EGFR: variants seen among roughly 807,000 people sequenced by gnomAD.
EGFR encodes the protein avian erythroblastic leukemia viral (v-erb-b) oncogene homolog.
In EGFR, 58 loss-of-function variants were observed where a neutral mutation model predicts 143.0. The observed-to-expected ratio is 0.41, with a 90% CI of 0.33 to 0.50. The LOEUF (loss-of-function observed/expected upper bound fraction) is 0.50, where lower values mean the gene tolerates loss of function less well. EGFR is among the 20% of genes least tolerant of loss of function. The pLI is 0.39. For missense variants in EGFR, 1,307 were observed against 1,579.0 expected (o/e 0.83, Z 2.92); for synonymous variants, 613 against 594.4 (o/e 1.03, Z -0.45).
intron 1 of EGFR, among the ~76,000 whole-genome samples, chr7:55,046,000 C>T (rs1788156561): frequency 6.6e-6 from 1 of 152,114 alleles, no homozygotes; most frequent in Non-Finnish European, 1.5e-5. Context: ...ATATTTGGGA[C>T]ATATTGAGTT....
chr7:55,192,386 C>T (rs17337346), intron 21 of EGFR, among the ~76,000 whole-genome samples: 281 of 152,284 alleles, frequency 1.8e-3, no homozygotes, highest in Non-Finnish European at 2.9e-3. Context: ...GTCAGGCCCT[C>T]GAATGCCCTC....
At chr7:55,053,678 G>C (rs1788618675) in intron 1 of EGFR, among the ~76,000 whole-genome samples, 1 of 152,226 alleles carries the variant, frequency 6.6e-6, no homozygotes. Flanking sequence ...CAAAGTGAAG[G>C]CTGGTGAATC....
intron 1 of EGFR, among the ~76,000 whole-genome samples, chr7:55,108,704 AAAATTCG>A (rs1355054754): frequency 1.3e-5 from 2 of 152,214 alleles, no homozygotes; most frequent in Non-Finnish European, 2.9e-5. Flanking sequence ...ACTCCAAACC[AAAATTCG>A]ATTTAATCTG....
At chr7:55,089,533 A>G (rs1317967810) in intron 1 of EGFR, among the ~76,000 whole-genome samples, 1 of 152,210 alleles carries the variant, frequency 6.6e-6, no homozygotes, top group Non-Finnish European at 1.5e-5. Flanking sequence ...CATCCAAGAA[A>G]TCCCATCCTT....
At chr7:55,143,240 T>A (rs982277564) in intron 2 of EGFR, 65 bp from the exon 3 acceptor site, 1 of 1,596,634 alleles carries the variant, frequency 6.3e-7, no homozygotes, top group African/African-American at 1.3e-5. Flanking sequence ...CCTGGACCCA[T>A]TTTAGACCTT....
At chr7:55,204,574 CCA>C (rs200879386) in intron 27 of EGFR, among the ~76,000 whole-genome samples, 1,591 of 136,762 alleles carry the variant, frequency 0.012, 30 homozygotes, top group African/African-American at 0.036. Context: ...CACATACACA[CCA>C]CACACACACC....
chr7:55,127,310 T>C (rs1793585822), intron 1 of EGFR, among the ~76,000 whole-genome samples: 1 of 152,164 alleles, frequency 6.6e-6, no homozygotes, highest in Admixed American at 6.5e-5. Flanking sequence ...AAACCAAACA[T>C]CACGGCCTTC....
chr7:55,060,250 T>A (rs1031195242), intron 1 of EGFR, among the ~76,000 whole-genome samples: 6 of 152,240 alleles, frequency 3.9e-5, no homozygotes, highest in African/African-American at 1.2e-4. Flanking sequence ...TATATTCTAG[T>A]TTGTTCAGCT....
In EGFR at chr7:55,151,363, GT is replaced by G; in HGVS notation, c.628+2del. The G allele has an allele frequency of 6.2e-7, 1 of 1,614,158 alleles. No individual in the cohort carries two copies. The highest frequency in any genetic ancestry group is 8.5e-7 in the Non-Finnish European group (1 of 1,180,004). On this transcript the variant is annotated splice_donor_variant, in intron 5 of 27. Transcript: ENST00000275493. LOFTEE classifies it high-confidence loss of function. ...GCAGGAGAGGAGAACTGCCAGAAAC[GT>G]AAGTCAGTGAACAGCCTCAGACCCA...
chr7:55,155,405 G>A (rs768842838), intron 7 of EGFR, among the ~76,000 whole-genome samples: 9 of 152,224 alleles, frequency 5.9e-5, no homozygotes, highest in Non-Finnish European at 1.0e-4. Flanking sequence ...TCACACCACT[G>A]CACTCCAGCC....
chr7:55,197,732 CT>C (rs1217662372), intron 22 of EGFR, among the ~76,000 whole-genome samples: 1 of 152,106 alleles, frequency 6.6e-6, no homozygotes. Context: ...TATTGAGAGC[CT>C]TTTCTGCATC....
At chr7:55,199,590 T>C (rs1787760701) in intron 23 of EGFR, among the ~76,000 whole-genome samples, 1 of 152,238 alleles carries the variant, frequency 6.6e-6, no homozygotes, top group Non-Finnish European at 1.5e-5. Flanking sequence ...TAAGGTCACA[T>C]AGCAGTCTGG....
intron 1 of EGFR, among the ~76,000 whole-genome samples, chr7:55,036,271 T>TGTG (rs1414370413): frequency 0.017 from 385 of 22,368 alleles, 14 homozygotes; most frequent in African/African-American, 0.037. Flanking sequence ...TGTGTGTGTG[T>TGTG]GGGGGGGGGG....
chr7:55,199,372 C>G (rs557167281), intron 23 of EGFR, among the ~76,000 whole-genome samples: 12 of 152,332 alleles, frequency 7.9e-5, no homozygotes, highest in Admixed American at 3.9e-4. Flanking sequence ...TATTATTCTA[C>G]CAGATTCACG....
intron 1 of EGFR, among the ~76,000 whole-genome samples, chr7:55,135,377 T>C (rs531489895): frequency 3.3e-5 from 5 of 152,072 alleles, no homozygotes; most frequent in African/African-American, 9.6e-5. Flanking sequence ...ACATGGAAGA[T>C]TGTCAGAAAT....
At chr7:55,174,698 G>C (rs113262226) in intron 18 of EGFR, 24 bp from the exon 19 acceptor site, 1 of 1,593,702 alleles carries the variant, frequency 6.3e-7, no homozygotes, top group Non-Finnish European at 8.6e-7. Context: ...GCCAGTTAAC[G>C]TCTTCCTTCT....
chr7:55,176,975 TAAATA>T lies in EGFR; in HGVS notation c.2283+2159_2283+2163del, dbSNP rs1267154436. On this transcript the variant is annotated intron_variant, in intron 19 of 27. Transcript: ENST00000275493. ...TATATATATCCCTAAATATATTAAATAAATAAAAGAAATAAAAGAAAGCTCAGTTT... is the reference window on the plus strand; with the variant it reads ...TATATATATCCCTAAATATATTAAATAAAGAAATAAAAGAAAGCTCAGTTT... Among the ~76,000 whole-genome samples the T allele has an allele frequency of 2.7e-5, 4 of 150,354 alleles. No homozygotes were observed. The Middle Eastern group carries it at 0.011, about 400-fold the overall frequency.
chr7:55,208,229 A>AAG lies in EGFR; in HGVS notation c.*2612_*2613insAG, dbSNP rs1788156430. ...GTCTGGTAGAAGCCGCAAAGCCCTT[A>AAG]GCCTCTTCACGGATCTGGCGACTGT... On this transcript the variant is annotated 3_prime_UTR_variant, in exon 28 of 28. Transcript: ENST00000275493. 6.6e-6 allele frequency: 1 copy of AAG among 152,136 alleles called. No homozygotes were observed. The highest frequency in any genetic ancestry group is 2.4e-5 in the African/African-American group (1 of 41,426). The allele number at this position is 152,136 out of a possible 1,614,324, so 9.4% of individuals were successfully genotyped here.
chr7:55,111,541 T>C (rs928478277), intron 1 of EGFR, among the ~76,000 whole-genome samples: 1 of 152,160 alleles, frequency 6.6e-6, no homozygotes, highest in African/African-American at 2.4e-5. Flanking sequence ...AAATACTGTC[T>C]AAAAAACACT....
Sources: gnomAD v4.1 joint callset for allele counts (sites outside exome capture counted in the v4.1 genomes callset) on GRCh38, gnomAD v4.1.1 for gene constraint, MANE v1.5 for transcripts, NCBI Gene and HGNC (gene_info 2026-07-23, HGNC 2026-07-21) for gene names.